Variants in ERG observed in about 807,000 individuals in gnomAD.
ERG encodes ETS transcription factor ERG.
ERG carries 9 observed loss-of-function variants against 55.3 expected under a neutral mutation model. That is an observed-to-expected ratio of 0.16 (90% confidence interval 0.10 to 0.28). The LOEUF is 0.28. Ranked by LOEUF, ERG falls within the 10% of genes least tolerant of loss-of-function variation. ERG has a pLI of 1.00. For missense variants in ERG, 434 were observed against 631.6 expected (o/e 0.69, Z 3.35); for synonymous variants, 223 against 237.3 (o/e 0.94, Z 0.55).
intron 1 of ERG, among the ~76,000 whole-genome samples, chr21:38,592,571 C>CTCTGTGTGTG (rs1555871066): frequency 1.1e-4 from 16 of 148,100 alleles, no homozygotes; most frequent in African/African-American, 3.7e-4. Flanking sequence ...TCTCCCTTCA[C>CTCTGTGTGTG]TGTGTGTGTG....
chr21:38,398,078 A>G (rs1988314777), intron 6 of ERG, among the ~76,000 whole-genome samples: 1 of 152,200 alleles, frequency 6.6e-6, no homozygotes, highest in Admixed American at 6.5e-5. Context: ...GAAACAGTCA[A>G]CAATCACCTT....
chr21:38,382,898 G>A lies in ERG; in HGVS notation c.*505C>T, dbSNP rs1018176475. The A allele has an allele frequency of 1.3e-5, 14 of 1,066,150 alleles. No homozygotes were observed. The Admixed American group carries it at 2.1e-4, about 16-fold the overall frequency. 66.0% of individuals were successfully genotyped at this position (1,066,150 alleles called of 1,614,324 possible). Reference sequence around the variant, plus strand: ...ACATGCCATGCAGTTGCATATCAACGTCTGTTGATGGGCCACAGTCTCTCT... The same window carrying A: ...ACATGCCATGCAGTTGCATATCAACATCTGTTGATGGGCCACAGTCTCTCT... On this transcript the variant is annotated 3_prime_UTR_variant, in exon 10 of 10. Coordinates refer to ENST00000288319, the MANE Select transcript of ERG (RefSeq NM_182918.4).
chr21:38,429,723 A>C lies in ERG; in HGVS notation c.237-6162T>G, dbSNP rs1360764485. Among the ~76,000 whole-genome samples the C allele has an allele frequency of 1.8e-5, 2 of 109,300 alleles. 1 individual carries two copies. The highest frequency in any genetic ancestry group is 5.1e-4 in the East Asian group (2 of 3,916). The allele number at this position is 109,300 out of a possible 152,430, so 71.7% of individuals were successfully genotyped here. A position where few individuals can be genotyped will look rare whatever the true frequency, so the allele number is the denominator to read the frequency against. On this transcript the variant is annotated intron_variant, in intron 2 of 9. Transcript: ENST00000288319. ...TGTATATGTGTGTGCATATATGTCT[A>C]TATATATGTGTGTATATATATATAC...
chr21:38,501,166 C>T (rs1265719932), upstream of ERG, among the ~76,000 whole-genome samples: 1 of 150,038 alleles, frequency 6.7e-6, no homozygotes. Context: ...CCCAGCTTCA[C>T]GCCATTCTCC....
chr21:38,612,446 T>A (rs2060233365), intron 1 of ERG, among the ~76,000 whole-genome samples: 1 of 152,220 alleles, frequency 6.6e-6, no homozygotes, highest in South Asian at 2.1e-4. Flanking sequence ...GCCATGTTTA[T>A]GTTTTGAAAG....
At chr21:38,585,346 C>T (rs954896354), upstream of ERG, among the ~76,000 whole-genome samples, 4 of 151,940 alleles carry the variant, frequency 2.6e-5, no homozygotes, top group Non-Finnish European at 5.9e-5. Flanking sequence ...GAAAACATCC[C>T]GAGAACTGTA....
rs183247392 is a variant in ERG at position 38,549,325 on chromosome 21, A to G, written c.-41+26337T>C. 8.1e-4 allele frequency among the ~76,000 whole-genome samples: 123 copies of G among 152,278 alleles called. 1 individual carries two copies. The highest frequency in any genetic ancestry group is 2.8e-3 in the African/African-American group (117 of 41,552). ...TAGAGAAGTTCAGAATAAGGACCCC[A>G]AACTATTGCACATCCTGACACTAAC... On this transcript the variant is annotated intron_variant, in intron 2 of 8. Transcript: ENST00000398897.
downstream of ERG, among the ~76,000 whole-genome samples, chr21:38,377,162 G>A (rs542410654): frequency 2.0e-5 from 3 of 152,314 alleles, no homozygotes; most frequent in South Asian, 2.1e-4. Flanking sequence ...ATCTCAAAGC[G>A]GTATTGTGCA....
chr21:38,618,466 G>A (rs867059117), intron 1 of ERG, among the ~76,000 whole-genome samples: 2 of 152,294 alleles, frequency 1.3e-5, no homozygotes, highest in East Asian at 3.9e-4. Context: ...AAAAGCAAAA[G>A]GTTTGGTTGG....
intron 1 of ERG, among the ~76,000 whole-genome samples, chr21:38,457,659 G>A (rs924353315): frequency 6.6e-6 from 1 of 152,282 alleles, no homozygotes; most frequent in Non-Finnish European, 1.5e-5. Context: ...TCTTTCCCAG[G>A]AAGAAAAGGA....
intron 1 of ERG, among the ~76,000 whole-genome samples, chr21:38,624,478 T>G (rs2146948020): frequency 6.6e-6 from 1 of 152,150 alleles, no homozygotes; most frequent in Admixed American, 6.5e-5. Flanking sequence ...AAAAAAACTC[T>G]CCTCCCTACT....
intron 2 of ERG, among the ~76,000 whole-genome samples, chr21:38,569,575 C>A (rs2059944626): frequency 6.6e-6 from 1 of 152,184 alleles, no homozygotes; most frequent in Admixed American, 6.5e-5. Flanking sequence ...AAATAGTACA[C>A]ACAAAACAGG....
chr21:38,432,825 G>A (rs574395839), intron 2 of ERG, among the ~76,000 whole-genome samples: 6 of 152,278 alleles, frequency 3.9e-5, no homozygotes, highest in African/African-American at 1.2e-4. Flanking sequence ...GTACTTCACC[G>A]CCCCACTCTA....
At chr21:38,444,900 G>A (rs748866573) in intron 2 of ERG, among the ~76,000 whole-genome samples, 1 of 152,080 alleles carries the variant, frequency 6.6e-6, no homozygotes, top group South Asian at 2.1e-4. Context: ...AACATAAGAC[G>A]GCATTATTTT....
chr21:38,525,816 C>A (rs1305093415), intron 2 of ERG, among the ~76,000 whole-genome samples: 1 of 152,220 alleles, frequency 6.6e-6, no homozygotes, highest in Admixed American at 6.5e-5. Context: ...ACCAACCACA[C>A]CTTCGGTGGA....
intron 2 of ERG, among the ~76,000 whole-genome samples, chr21:38,506,513 T>C (rs1170209451): frequency 6.6e-6 from 1 of 152,232 alleles, no homozygotes; most frequent in East Asian, 1.9e-4. Flanking sequence ...ACTTTATGTA[T>C]ATATGAAGTA....
intron 3 of ERG, among the ~76,000 whole-genome samples, chr21:38,423,084 A>AGTGTGTGTGAGT (rs1555896591): frequency 1.4e-5 from 2 of 144,324 alleles, no homozygotes; most frequent in Non-Finnish European, 3.0e-5. Context: ...CTCCATACGT[A>AGTGTGTGTGAGT]GTGTGTGTGT....
the ERG span, among the ~76,000 whole-genome samples, chr21:38,369,237 T>C: frequency 9.2e-5 from 14 of 152,332 alleles, no homozygotes; most frequent in African/African-American, 2.9e-4. Flanking sequence ...CCACCAACAG[T>C]GTATAAGCAT....
intron 2 of ERG, among the ~76,000 whole-genome samples, chr21:38,570,270 C>T (rs2059949356): frequency 6.6e-6 from 1 of 152,200 alleles, no homozygotes; most frequent in South Asian, 2.1e-4. Context: ...CTCAAAGCAA[C>T]TAGCCAGCAT....
Sources: allele counts gnomAD v4.1 joint callset (sites outside exome capture counted in the v4.1 genomes callset), GRCh38; gene constraint gnomAD v4.1.1; transcripts MANE v1.5; gene names NCBI Gene and HGNC (gene_info 2026-07-23, HGNC 2026-07-21).